PDGFD: variants seen among roughly 807,000 people sequenced by gnomAD.
The protein encoded by PDGFD is platelet-derived growth factor D.
PDGFD carries 30 observed loss-of-function variants against 44.7 expected under a neutral mutation model. The ratio of observed to expected loss-of-function variants is 0.67; its 90% CI spans 0.50 to 0.91. PDGFD has a LOEUF of 0.91. PDGFD is among the 40% of genes least tolerant of loss of function. The pLI is 0.00. For missense variants in PDGFD, 445 were observed against 457.8 expected (o/e 0.97, Z 0.25); for synonymous variants, 173 against 168.4 (o/e 1.03, Z -0.21).
At position 103,943,583 on chromosome 11, in the gene PDGFD, AT is replaced by A. The variant is rs1333395128; in HGVS notation, c.640del (p.Ile214LeufsTer68). 5.0e-6 allele frequency: 8 copies of A among 1,613,056 alleles called. No homozygotes were observed. The highest frequency in any genetic ancestry group is 1.1e-5 in the South Asian group (1 of 91,028). ...TLIADALDKKIAEFDTVEDLL... is the reference protein window; with the variant it reads ...TLIADALDKKXAEFDTVEDLL... ...ATCTTCCACTGTATCAAATTCTGCA[AT>A]TTTTTTGTCCAGAGCATCCGCAATC... On this transcript the variant is annotated frameshift_variant, in exon 5 of 7. Coordinates refer to ENST00000393158, the MANE Select transcript of PDGFD (RefSeq NM_025208.5). LOFTEE classifies it high-confidence loss of function.
intron 5 of PDGFD, among the ~76,000 whole-genome samples, chr11:103,931,718 C>T (rs1858402320): frequency 6.6e-6 from 1 of 152,122 alleles, no homozygotes; most frequent in Non-Finnish European, 1.5e-5. Context: ...TTCTGAGTAG[C>T]TGGGACTACA....
intron 3 of PDGFD, among the ~76,000 whole-genome samples, chr11:103,993,479 A>G (rs540941319): frequency 1.9e-3 from 284 of 151,968 alleles, no homozygotes; most frequent in Non-Finnish European, 3.0e-3. Flanking sequence ...TAGCATTCTA[A>G]AATTTATTAT....
intron 2 of PDGFD, among the ~76,000 whole-genome samples, chr11:103,998,196 T>A (rs543695374): frequency 6.6e-6 from 1 of 152,350 alleles, no homozygotes; most frequent in African/African-American, 2.4e-5. Context: ...CATCTTTTTT[T>A]ATTCATAATA....
intron 6 of PDGFD, among the ~76,000 whole-genome samples, chr11:103,916,714 T>C (rs1050336459): frequency 2.6e-5 from 4 of 152,070 alleles, no homozygotes; most frequent in Admixed American, 6.6e-5. Flanking sequence ...ATAGACTGGA[T>C]AAAGAAAACA....
intron 3 of PDGFD, among the ~76,000 whole-genome samples, chr11:103,991,876 G>A (rs938425379): frequency 6.6e-5 from 10 of 152,170 alleles, no homozygotes; most frequent in African/African-American, 2.4e-4. Context: ...TGAGCCATTA[G>A]TCAGTATGCA....
At chr11:103,914,571 A>AAAG (rs3049636) in intron 6 of PDGFD, among the ~76,000 whole-genome samples, 69,484 of 151,830 alleles carry the variant, frequency 0.46, 15,991 homozygotes, top group South Asian at 0.49. Context: ...AAAATAGAAA[A>AAAG]TGGGAATCCT....
chr11:104,028,320 A>AGT (rs1458918098), intron 1 of PDGFD, among the ~76,000 whole-genome samples: 1 of 152,034 alleles, frequency 6.6e-6, no homozygotes, highest in Admixed American at 6.6e-5. Flanking sequence ...ACCTAACACT[A>AGT]ATACAGAGAA....
intron 3 of PDGFD, among the ~76,000 whole-genome samples, chr11:103,977,638 GATAAT>G (rs1859203787): frequency 6.6e-6 from 1 of 152,010 alleles, no homozygotes; most frequent in Non-Finnish European, 1.5e-5. Flanking sequence ...TCTTGACAGT[GATAAT>G]ATATTAGTAT....
chr11:103,966,482 C>G (rs912187441), intron 3 of PDGFD, among the ~76,000 whole-genome samples: 1 of 152,044 alleles, frequency 6.6e-6, no homozygotes, highest in African/African-American at 2.4e-5. Flanking sequence ...ACAAAAAGCA[C>G]CATAAACTTT....
chr11:104,011,878 T>G (rs1859791889), intron 1 of PDGFD, among the ~76,000 whole-genome samples: 1 of 152,126 alleles, frequency 6.6e-6, no homozygotes, highest in South Asian at 2.1e-4. Context: ...ATTCAAGTGC[T>G]TTATGGGACC....
rs186377187 is a variant in PDGFD at position 104,079,666 on chromosome 11, C to T, written c.125-79411G>A. Among the ~76,000 whole-genome samples the T allele has an allele frequency of 1.6e-4, 24 of 152,290 alleles. 1 individual carries two copies. Among genetic ancestry groups the T allele is most frequent in the African/African-American group, 5.5e-4 (23 of 41,570 alleles). ...CCTCCCAAAGTGCTGGGATTATAGGCGTGAGCCACCGCGCCTGGCCAGAGC... is the reference window on the plus strand; with the variant it reads ...CCTCCCAAAGTGCTGGGATTATAGGTGTGAGCCACCGCGCCTGGCCAGAGC... On this transcript the variant is annotated intron_variant, in intron 1 of 6. Coordinates refer to ENST00000393158, the MANE Select transcript of PDGFD (RefSeq NM_025208.5).
intron 1 of PDGFD, among the ~76,000 whole-genome samples, chr11:104,023,747 A>T (rs1290496432): frequency 1.3e-5 from 2 of 152,146 alleles, no homozygotes. Flanking sequence ...TATTATAGCT[A>T]CCAACTATCA....
At position 103,910,297 on chromosome 11, in the gene PDGFD, A is replaced by G. The variant is rs925425563; in HGVS notation, c.988-478T>C. ...GTTGAAGTAAAACATGTTGCCCTGG[A>G]GTTGCTGGCAAGATGGCCGAACAGG... is the stretch of plus-strand genomic sequence containing the variant. On this transcript the variant is annotated intron_variant, in intron 6 of 6. Coordinates refer to ENST00000393158, the MANE Select transcript of PDGFD (RefSeq NM_025208.5). 3.9e-5 allele frequency among the ~76,000 whole-genome samples: 6 copies of G among 152,334 alleles called. No individual in the cohort carries two copies. The East Asian group carries it at 1.2e-3, about 29-fold the overall frequency.
intron 1 of PDGFD, among the ~76,000 whole-genome samples, chr11:104,053,832 C>G (rs1411426392): frequency 6.6e-6 from 1 of 152,154 alleles, no homozygotes; most frequent in African/African-American, 2.4e-5. Context: ...AACAATGACC[C>G]AAACTACTGA....
chr11:103,934,205 C>T (rs1160108786), intron 5 of PDGFD, among the ~76,000 whole-genome samples: 1 of 152,170 alleles, frequency 6.6e-6, no homozygotes, highest in African/African-American at 2.4e-5. Flanking sequence ...GTAGCTCCTG[C>T]CAAGGAACTT....
chr11:104,162,143 C>G (rs901258649), intron 1 of PDGFD, among the ~76,000 whole-genome samples: 4 of 143,792 alleles, frequency 2.8e-5, no homozygotes, highest in Non-Finnish European at 4.6e-5. Context: ...TGAGATTATT[C>G]TCTTTCAAAA....
chr11:104,156,852 G>A (rs1224008692), intron 1 of PDGFD, among the ~76,000 whole-genome samples: 3 of 152,136 alleles, frequency 2.0e-5, no homozygotes, highest in South Asian at 2.1e-4. Context: ...GTGGGCTTCC[G>A]CCTTTAGTTT....
rs770716579 is a variant in PDGFD, at chr11:103,987,074, C to T, written c.510+8991G>A. ...CACTCCCCACTTTCCAACCCCCCCCCACCCCAAACAAATTATCCTTAAAAA... is the reference window on the plus strand; with the variant it reads ...CACTCCCCACTTTCCAACCCCCCCCTACCCCAAACAAATTATCCTTAAAAA... On this transcript the variant is annotated intron_variant, in intron 3 of 6. Coordinates refer to ENST00000393158, the MANE Select transcript of PDGFD (RefSeq NM_025208.5). 1.1e-3 allele frequency among the ~76,000 whole-genome samples: 143 copies of T among 126,580 alleles called. 1 individual carries two copies. Among genetic ancestry groups the T allele is most frequent in the African/African-American group, 3.8e-3 (124 of 32,496 alleles). 83.0% of individuals were successfully genotyped at this position (126,580 alleles called of 152,430 possible).
chr11:104,122,376 CT>C (rs948537249), intron 1 of PDGFD, among the ~76,000 whole-genome samples: 79 of 152,158 alleles, frequency 5.2e-4, no homozygotes, highest in African/African-American at 1.8e-3. Flanking sequence ...AAATGGCACA[CT>C]TAGTCCTAAC....
Sources: gnomAD v4.1 joint callset for allele counts (sites outside exome capture counted in the v4.1 genomes callset) on GRCh38, gnomAD v4.1.1 for gene constraint, MANE v1.5 for transcripts, NCBI Gene and HGNC (gene_info 2026-07-23, HGNC 2026-07-21) for gene names.